The following C10orf67 variants were observed in gnomAD, a reference collection of about 807,000 sequenced individuals.
C10orf67 encodes the protein chromosome 10 open reading frame 67.
In C10orf67, 60 loss-of-function variants were observed where a neutral mutation model predicts 35.6. The observed-to-expected ratio is 1.68, with a 90% confidence interval of 1.37 to 2.09. The LOEUF (loss-of-function observed/expected upper bound fraction) is 2.09, where lower values mean the gene tolerates loss of function less well. Among genes scored for constraint, C10orf67 ranks in the 30% most tolerant of loss-of-function variants. The probability of loss-of-function intolerance (pLI) is 0.00; values close to 1 mark genes in which losing one functional copy is unlikely to be tolerated. For synonymous variants in C10orf67, 167 were observed against 115.8 expected (o/e 1.44, Z -2.84); for missense variants, 474 against 330.2 (o/e 1.44, Z -3.38).
At chr10:23,292,665 G>A (rs555913415) in intron 5 of C10orf67, among the ~76,000 whole-genome samples, 1 of 152,240 alleles carries the variant, frequency 6.6e-6, no homozygotes, top group Non-Finnish European at 1.5e-5. Context: ...ATTTTTTGTA[G>A]TACATTAATA....
In C10orf67 at chr10:23,250,611, C is replaced by A. The variant is rs1842422054; in HGVS notation, c.1280+1G>T. The A allele has an allele frequency of 2.5e-6, 1 of 398,630 alleles. No homozygotes were observed. The highest frequency in any genetic ancestry group is 1.3e-4 in the South Asian group (1 of 7,856). The allele number at this position is 398,630 out of a possible 1,614,324, so 24.7% of individuals were successfully genotyped here. On this transcript the variant is annotated splice_donor_variant, in intron 11 of 15. Coordinates refer to ENST00000636213, the MANE Select transcript of C10orf67 (RefSeq NM_001371909.1). LOFTEE classifies it high-confidence loss of function. ...AGTGCCTTTTACTCTATTACCAGTA[C>A]CTTTCCACCTTCTTTTTCTCATTCT...
rs1351621340 is a variant in C10orf67 at position 23,266,412 on chromosome 10, G to T, written c.1050C>A (p.Ala350=). The part of the protein sequence containing the change: ...GSLSVKVARS[A]KGREASLSPW... Reference sequence around the variant, plus strand: ...GGGACAAAGAGGCTTCTCTCCCCTTGGCTGATCTTGCAACCTGCCACACAA... The same window carrying T: ...GGGACAAAGAGGCTTCTCTCCCCTTTGCTGATCTTGCAACCTGCCACACAA... Residue 350 remains alanine, a synonymous_variant, in exon 10 of 16, where the codon GCC becomes GCA. Transcript: ENST00000636213. The T allele has an allele frequency of 7.5e-6, 3 of 398,446 alleles. No individual in the cohort carries two copies. The highest frequency in any genetic ancestry group is 1.3e-5 in the Non-Finnish European group (3 of 226,054). The allele number at this position is 398,446 out of a possible 1,614,324, so 24.7% of individuals were successfully genotyped here.
At chr10:23,322,941 G>A (rs1412124317) in intron 2 of C10orf67, among the ~76,000 whole-genome samples, 2 of 152,036 alleles carry the variant, frequency 1.3e-5, no homozygotes, top group East Asian at 3.9e-4. Context: ...CTCTGGTTCT[G>A]GACATATAAG....
chr10:23,226,427 C>T (rs1439009279), intron 13 of C10orf67, among the ~76,000 whole-genome samples: 2 of 152,028 alleles, frequency 1.3e-5, no homozygotes, highest in East Asian at 3.9e-4. Context: ...ATCTCTGGGA[C>T]ACATTTAAAG....
chr10:23,232,320 C>G (rs996686629), intron 13 of C10orf67, among the ~76,000 whole-genome samples: 1 of 152,082 alleles, frequency 6.6e-6, no homozygotes, highest in East Asian at 1.9e-4. Context: ...GAATGGGGAA[C>G]CTTACTCCCT....
chr10:23,243,305 A>G (rs1056325014), intron 12 of C10orf67, among the ~76,000 whole-genome samples: 2 of 152,224 alleles, frequency 1.3e-5, no homozygotes, highest in Non-Finnish European at 2.9e-5. Flanking sequence ...CAAAAAATTA[A>G]TAAGTATGTA....
intron 5 of C10orf67, among the ~76,000 whole-genome samples, chr10:23,293,770 A>G (rs1190082298): frequency 2.0e-5 from 3 of 152,260 alleles, no homozygotes; most frequent in African/African-American, 2.4e-5. Context: ...CACAAGATGC[A>G]TAGAATTACA....
chr10:23,223,151 C>T (rs1453885970), intron 15 of C10orf67, among the ~76,000 whole-genome samples: 1 of 152,038 alleles, frequency 6.6e-6, no homozygotes, highest in Non-Finnish European at 1.5e-5. Context: ...TTGATCTTGG[C>T]TCACTGCAGC....
chr10:23,339,285 T>C (rs185468596), intron 1 of C10orf67, among the ~76,000 whole-genome samples: 5 of 151,880 alleles, frequency 3.3e-5, no homozygotes, highest in Non-Finnish European at 5.9e-5. Context: ...CAAGGGGCAA[T>C]TGGGTTGCTG....
chr10:23,246,032 A>C (rs1842308547), intron 12 of C10orf67, among the ~76,000 whole-genome samples: 1 of 152,224 alleles, frequency 6.6e-6, no homozygotes, highest in South Asian at 2.1e-4. Flanking sequence ...AAAAAGAATG[A>C]AATCATGTCC....
intron 1 of C10orf67, among the ~76,000 whole-genome samples, chr10:23,340,124 A>G (rs1209135068): frequency 6.6e-6 from 1 of 152,048 alleles, no homozygotes; most frequent in Non-Finnish European, 1.5e-5. Context: ...AGTTTTTACC[A>G]ATTTTTTTTC....
intron 8 of C10orf67, among the ~76,000 whole-genome samples, chr10:23,278,495 G>C (rs1479760820): frequency 6.6e-6 from 1 of 152,140 alleles, no homozygotes; most frequent in African/African-American, 2.4e-5. Context: ...TACTCCATGA[G>C]GGCCACCATG....
chr10:23,279,015 G>A (rs1250462216), intron 8 of C10orf67, among the ~76,000 whole-genome samples: 1 of 152,198 alleles, frequency 6.6e-6, no homozygotes, highest in Non-Finnish European at 1.5e-5. Flanking sequence ...ACTTTAGGAG[G>A]CTGAGGCAGG....
At chr10:23,330,751 A>AG (rs1358050970) in intron 2 of C10orf67, among the ~76,000 whole-genome samples, 1 of 151,550 alleles carries the variant, frequency 6.6e-6, no homozygotes. Flanking sequence ...AAAAAAAAAA[A>AG]AATCAAAATA....
At chr10:23,239,158 T>C (rs1249939773) in intron 13 of C10orf67, among the ~76,000 whole-genome samples, 1 of 152,236 alleles carries the variant, frequency 6.6e-6, no homozygotes, top group Non-Finnish European at 1.5e-5. Context: ...GGTTTACTTA[T>C]TAATTGAAAT....
chr10:23,289,777 G>C (rs1843659143), intron 7 of C10orf67, 123 bp downstream of exon 7: 4 of 601,542 alleles, frequency 6.6e-6, no homozygotes, highest in African/African-American at 5.6e-5. Flanking sequence ...AGTGGGGAGA[G>C]ATTAAATATG....
At chr10:23,308,091 C>T (rs1844353837) in intron 4 of C10orf67, among the ~76,000 whole-genome samples, 1 of 152,172 alleles carries the variant, frequency 6.6e-6, no homozygotes, top group African/African-American at 2.4e-5. Context: ...AGTTCAACAC[C>T]TTCACTGTCA....
At chr10:23,247,860 C>G (rs1002960440) in intron 12 of C10orf67, among the ~76,000 whole-genome samples, 2 of 152,188 alleles carry the variant, frequency 1.3e-5, no homozygotes, top group African/African-American at 4.8e-5. Context: ...GAAGCCACTT[C>G]TAATTCCTTC....
chr10:23,306,530 GA>G (rs61468201), intron 4 of C10orf67, among the ~76,000 whole-genome samples: 1,927 of 56,308 alleles, frequency 0.034, 21 homozygotes, highest in African/African-American at 0.075. Context: ...CTCCATCTCA[GA>G]AAAAAAAAAA....
Sources: allele counts gnomAD v4.1 joint callset (sites outside exome capture counted in the v4.1 genomes callset), GRCh38; gene constraint gnomAD v4.1.1; transcripts MANE v1.5; gene names NCBI Gene and HGNC (gene_info 2026-07-23, HGNC 2026-07-21).